Variants in PDSS1 observed in about 807,000 individuals in gnomAD.
PDSS1 encodes the protein decaprenyl diphosphate synthase subunit 1, also known as all trans-polyprenyl-diphosphate synthase PDSS1.
A neutral mutation model predicts 57.5 loss-of-function variants in PDSS1; 43 were observed. That is an observed-to-expected ratio of 0.75 (90% CI 0.59 to 0.96). PDSS1 has a LOEUF of 0.96. Ranked by LOEUF, PDSS1 falls within the 50% of genes least tolerant of loss-of-function variation. The probability of loss-of-function intolerance (pLI) is 0.00; values close to 1 mark genes in which losing one functional copy is unlikely to be tolerated. For missense variants in PDSS1, 438 were observed against 527.8 expected (o/e 0.83, Z 1.67); for synonymous variants, 175 against 191.3 (o/e 0.91, Z 0.70).
intron 8 of PDSS1, among the ~76,000 whole-genome samples, chr10:26,732,919 G>A (rs1310556536): frequency 2.6e-5 from 4 of 152,048 alleles, no homozygotes; most frequent in Non-Finnish European, 2.9e-5. Flanking sequence ...TCAGGAGTTC[G>A]AGACCAGCCT....
chr10:26,726,096 A>G (rs571769525), intron 8 of PDSS1, among the ~76,000 whole-genome samples: 52 of 152,286 alleles, frequency 3.4e-4, no homozygotes, highest in African/African-American at 1.3e-3. Flanking sequence ...AAAGGGTCCA[A>G]AGAAATGGAC....
intron 4 of PDSS1, among the ~76,000 whole-genome samples, chr10:26,707,806 C>T (rs953977053): frequency 6.6e-6 from 1 of 152,258 alleles, no homozygotes; most frequent in Non-Finnish European, 1.5e-5. Context: ...GCGGCCATGA[C>T]GGTCTCAGGC....
intron 8 of PDSS1, among the ~76,000 whole-genome samples, chr10:26,733,757 C>G (rs559213346): frequency 6.6e-6 from 1 of 151,978 alleles, no homozygotes; most frequent in African/African-American, 2.4e-5. Flanking sequence ...GGGAGGATCA[C>G]GAGCCCAGGA....
At chr10:26,713,861 G>A (rs973133896) in intron 5 of PDSS1, among the ~76,000 whole-genome samples, 8 of 152,048 alleles carry the variant, frequency 5.3e-5, no homozygotes, top group African/African-American at 1.9e-4. Context: ...TTCAAGGATT[G>A]CCTTGGTTAC....
intron 8 of PDSS1, among the ~76,000 whole-genome samples, chr10:26,729,425 C>G (rs894472451): frequency 6.6e-6 from 1 of 152,164 alleles, no homozygotes. Context: ...TTCAAAACCA[C>G]GAGGTATCAA....
intron 6 of PDSS1, 43 bp downstream of exon 6, chr10:26,720,402 C>A: frequency 1.5e-6 from 2 of 1,337,874 alleles, no homozygotes; most frequent in Non-Finnish European, 2.2e-6. Flanking sequence ...TACTGAATCA[C>A]ACACTTTTCG....
intron 6 of PDSS1, 49 bp downstream of exon 6, chr10:26,720,408 T>G: frequency 8.6e-7 from 1 of 1,164,160 alleles, no homozygotes; most frequent in Non-Finnish European, 1.3e-6. Context: ...ATCACACACT[T>G]TTCGGACCGC....
chr10:26,707,487 A>G (rs769966098), intron 4 of PDSS1, among the ~76,000 whole-genome samples: 2 of 152,024 alleles, frequency 1.3e-5, no homozygotes, highest in Non-Finnish European at 2.9e-5. Flanking sequence ...CTGACTAGCT[A>G]TCTACTGTAA....
intron 2 of PDSS1, among the ~76,000 whole-genome samples, chr10:26,703,384 G>A (rs1358382695): frequency 6.6e-6 from 1 of 152,132 alleles, no homozygotes; most frequent in African/African-American, 2.4e-5. Flanking sequence ...AGTGACTCAC[G>A]TCTGTAATTC....
rs556772895 is a variant in PDSS1 at position 26,710,130 on chromosome 10, G to A, written c.467+362G>A. Reference sequence around the variant, plus strand: ...GATCACGCCATTGCACTCCAGCCTGGGCGACAGAGCGAGACTCTTGTCTTA... The same window carrying A: ...GATCACGCCATTGCACTCCAGCCTGAGCGACAGAGCGAGACTCTTGTCTTA... On this transcript the variant is annotated intron_variant, in intron 5 of 11. Transcript: ENST00000376215. Among the ~76,000 whole-genome samples the A allele has an allele frequency of 4.0e-5, 4 of 99,252 alleles. 2 individuals carry two copies. The East Asian group carries it at 1.0e-3, about 25-fold the overall frequency. 65.1% of individuals were successfully genotyped at this position (99,252 alleles called of 152,430 possible). A position where few individuals can be genotyped will look rare whatever the true frequency, so the allele number is the denominator to read the frequency against.
intron 1 of PDSS1, chr10:26,701,857 G>A (rs1263807733): frequency 2.2e-6 from 1 of 454,740 alleles, no homozygotes; most frequent in Non-Finnish European, 4.4e-6. Flanking sequence ...TGGAAAAGCT[G>A]CAGGCACTCA....
rs1836669905 is a variant in PDSS1 at position 26,742,673 on chromosome 10, GATACAAGACTGT to G, written c.1107+97_1107+108del. The stretch of plus-strand genomic sequence containing the variant: ...AACATTAACTAAACATTAAATTATA[GATACAAGACTGT>G]TTGGTCAACTCTTGATGTGACAAAA... On this transcript the variant is annotated intron_variant, in intron 11 of 11. Transcript: ENST00000376215. 4 of 747,266 alleles carry G rather than the reference GATACAAGACTGT, an allele frequency of 5.4e-6. No individual in the cohort carries two copies. In the African/African-American group the frequency reaches 6.9e-5, roughly 13 times the overall value. 46.3% of individuals were successfully genotyped at this position (747,266 alleles called of 1,614,324 possible). A position where few individuals can be genotyped will look rare whatever the true frequency, so the allele number is the denominator to read the frequency against.
chr10:26,742,630 C>A lies in PDSS1; in HGVS notation c.1107+53C>A, dbSNP rs974536081. The A allele has an allele frequency of 4.9e-6, 5 of 1,024,660 alleles. No individual in the cohort carries two copies. In the African/African-American group the frequency reaches 6.3e-5, roughly 13 times the overall value. The allele number at this position is 1,024,660 out of a possible 1,614,324, so 63.5% of individuals were successfully genotyped here. A position where few individuals can be genotyped will look rare whatever the true frequency, so the allele number is the denominator to read the frequency against. On this transcript the variant is annotated intron_variant, in intron 11 of 11. Transcript: ENST00000376215. ...AGCAGCAGGAACAACGTGGCAAAAT[C>A]CTTTAATCCAAAAATGTAACATTAA...
chr10:26,709,738 G>C lies in PDSS1; in HGVS notation c.437G>C (p.Arg146Pro). The change falls in exon 5 of 12, where the codon CGA becomes CCA. Residue 146 changes from arginine (R) to proline (P), a missense_variant. By Grantham distance (103) the Arg-to-Pro change is moderately radical. This residue lies in a region of PDSS1 where 284 missense variants were observed against 390.7 expected (regional missense o/e 0.73). Coordinates refer to ENST00000376215, the MANE Select transcript of PDSS1 (RefSeq NM_014317.5). ...CCAATTATTGTGGCGCTAATGGCCC[G>C]AGCATGCAATATTCATCATAACAAC... is the stretch of plus-strand genomic sequence containing the variant. ...FRPIIVALMA[R>P]ACNIHHNNSR... 6.2e-7 allele frequency: 1 copy of C among 1,613,966 alleles called. No homozygotes were observed. The highest frequency in any genetic ancestry group is 8.5e-7 in the Non-Finnish European group (1 of 1,179,930).
At position 26,709,736 on chromosome 10, in the gene PDSS1, C is replaced by T; in HGVS notation, c.435C>T (p.Ala145=). 1 of 1,613,826 alleles carries T rather than the reference C, an allele frequency of 6.2e-7. No homozygotes were observed. The highest frequency in any genetic ancestry group is 8.5e-7 in the Non-Finnish European group (1 of 1,179,846). The part of the protein sequence containing the change: ...AFRPIIVALM[A]RACNIHHNNS... ...GACCAATTATTGTGGCGCTAATGGCCCGAGCATGCAATATTCATCATAACA... is the reference window on the plus strand; with the variant it reads ...GACCAATTATTGTGGCGCTAATGGCTCGAGCATGCAATATTCATCATAACA... Residue 145 remains alanine (A), a synonymous_variant, in exon 5 of 12, where the codon GCC becomes GCT. Transcript: ENST00000376215.
intron 11 of PDSS1, among the ~76,000 whole-genome samples, chr10:26,743,233 T>G (rs1291884104): frequency 6.6e-6 from 1 of 152,246 alleles, no homozygotes; most frequent in Non-Finnish European, 1.5e-5. Context: ...TCTGCATGAC[T>G]TGAGTTTTGG....
At chr10:26,700,344 C>G (rs1457263572) in intron 1 of PDSS1, among the ~76,000 whole-genome samples, 2 of 151,510 alleles carry the variant, frequency 1.3e-5, no homozygotes, top group Non-Finnish European at 2.9e-5. Context: ...TGGCTCACGC[C>G]TGTAATCCCA....
intron 10 of PDSS1, among the ~76,000 whole-genome samples, chr10:26,737,838 C>G (rs2132307448): frequency 6.6e-6 from 1 of 152,154 alleles, no homozygotes; most frequent in South Asian, 2.1e-4. Flanking sequence ...TGGGAAATCC[C>G]AGTCATGAGG....
intron 10 of PDSS1, chr10:26,740,931 T>C (rs548316303): frequency 1.5e-4 from 38 of 248,586 alleles, no homozygotes; most frequent in African/African-American, 7.5e-4. Context: ...TTGTAGAATA[T>C]CGATTTTACC....
Sources: gnomAD v4.1 joint callset for allele counts (sites outside exome capture counted in the v4.1 genomes callset) on GRCh38, gnomAD v4.1.1 for gene constraint, gnomAD v4.1.1 regional missense constraint, MANE v1.5 for transcripts, NCBI Gene and HGNC (gene_info 2026-07-23, HGNC 2026-07-21) for gene names.